The following GALNTL6 variants were observed in gnomAD, a reference collection of about 807,000 sequenced individuals.
GALNTL6 encodes polypeptide N-acetylgalactosaminyltransferase like 6.
A neutral mutation model predicts 73.7 loss-of-function variants in GALNTL6; 46 were observed. The ratio of observed to expected loss-of-function variants is 0.62; its 90% CI spans 0.49 to 0.80. GALNTL6 has a LOEUF of 0.80. Among genes scored for constraint, GALNTL6 ranks in the 30% least tolerant of loss-of-function variants. The pLI is 0.00. For missense variants in GALNTL6, 604 were observed against 755.0 expected (o/e 0.80, Z 2.34); for synonymous variants, 259 against 263.7 (o/e 0.98, Z 0.17).
chr4:171,919,888 C>T (rs144829814), intron 2 of GALNTL6, among the ~76,000 whole-genome samples: 383 of 152,092 alleles, frequency 2.5e-3, no homozygotes, highest in Admixed American at 4.9e-3. Flanking sequence ...ACCATTTGAC[C>T]CAGCAATCCC....
intron 5 of GALNTL6, among the ~76,000 whole-genome samples, chr4:172,608,405 G>A (rs772453764): frequency 1.3e-5 from 2 of 151,792 alleles, no homozygotes; most frequent in Non-Finnish European, 2.9e-5. Context: ...CCCATTGATT[G>A]TTTTTGTCAA....
intron 2 of GALNTL6, among the ~76,000 whole-genome samples, chr4:171,894,699 A>G (rs1246094703): frequency 1.3e-5 from 2 of 152,202 alleles, no homozygotes; most frequent in African/African-American, 4.8e-5. Flanking sequence ...TCAAAGTTAA[A>G]TGATTCAAGT....
At chr4:172,929,188 C>T (rs1219314641) in intron 8 of GALNTL6, among the ~76,000 whole-genome samples, 1 of 152,192 alleles carries the variant, frequency 6.6e-6, no homozygotes, top group African/African-American at 2.4e-5. Flanking sequence ...GAAATTAATA[C>T]TATGAGTAAT....
intron 2 of GALNTL6, among the ~76,000 whole-genome samples, chr4:171,967,496 T>G (rs1227242271): frequency 2.1e-5 from 3 of 145,194 alleles, no homozygotes; most frequent in Admixed American, 1.4e-4. Flanking sequence ...AATGTTATTC[T>G]CAGAGAAAAT....
chr4:172,124,013 C>A (rs1026562951), intron 2 of GALNTL6, among the ~76,000 whole-genome samples: 1 of 152,042 alleles, frequency 6.6e-6, no homozygotes, highest in African/African-American at 2.4e-5. Flanking sequence ...GAAGGAAGTG[C>A]TTTTAGAGAA....
At chr4:172,164,616 A>AT (rs987197112) in intron 2 of GALNTL6, among the ~76,000 whole-genome samples, 4 of 151,954 alleles carry the variant, frequency 2.6e-5, no homozygotes, top group Admixed American at 6.6e-5. Flanking sequence ...CTAATAATAG[A>AT]TTTTTTCTCG....
chr4:172,898,423 A>T (rs557084613), intron 8 of GALNTL6, among the ~76,000 whole-genome samples: 3 of 151,614 alleles, frequency 2.0e-5, no homozygotes, highest in African/African-American at 7.2e-5. Flanking sequence ...GCAAAAGGTT[A>T]TACTCCAAAC....
intron 5 of GALNTL6, among the ~76,000 whole-genome samples, chr4:172,365,859 T>C (rs1357563835): frequency 6.6e-6 from 1 of 152,142 alleles, no homozygotes; most frequent in Non-Finnish European, 1.5e-5. Flanking sequence ...GACCCACCTT[T>C]AGACATCCGG....
At chr4:171,995,023 C>T (rs899206422) in intron 2 of GALNTL6, among the ~76,000 whole-genome samples, 1 of 151,410 alleles carries the variant, frequency 6.6e-6, no homozygotes, top group Non-Finnish European at 1.5e-5. Flanking sequence ...GAAATATATA[C>T]AAAAAATGGA....
intron 8 of GALNTL6, among the ~76,000 whole-genome samples, chr4:172,922,461 C>CT (rs1337549793): frequency 6.6e-6 from 1 of 152,148 alleles, no homozygotes; most frequent in African/African-American, 2.4e-5. Context: ...TCCATCTACT[C>CT]TATCAGAATG....
chr4:172,155,125 G>A (rs1171678122), intron 2 of GALNTL6, among the ~76,000 whole-genome samples: 4 of 152,010 alleles, frequency 2.6e-5, no homozygotes, highest in Non-Finnish European at 4.4e-5. Flanking sequence ...AGGCTCCTGA[G>A]TAGTTGGGAT....
chr4:172,074,904 T>C (rs1209934229), intron 2 of GALNTL6, among the ~76,000 whole-genome samples: 1 of 152,184 alleles, frequency 6.6e-6, no homozygotes, highest in African/African-American at 2.4e-5. Context: ...TGCTAAAGAT[T>C]CTAACTTTTA....
chr4:172,308,003 C>CTTTTTTTTTTTTTTTTTTTTT (rs70941399), intron 3 of GALNTL6, among the ~76,000 whole-genome samples: 2 of 34,586 alleles, frequency 5.8e-5, no homozygotes, highest in African/African-American at 1.0e-4. Context: ...TGTGTTTTAA[C>CTTTTTTTTTTTTTTTTTTTTT]TTTTTTTTTT....
chr4:171,853,644 T>C (rs931142598), intron 2 of GALNTL6, among the ~76,000 whole-genome samples: 3 of 129,222 alleles, frequency 2.3e-5, no homozygotes, highest in African/African-American at 8.4e-5. Context: ...AGAGTCTTGC[T>C]CTGTCGCCCA....
At chr4:172,733,163 C>T (rs1165779688) in intron 5 of GALNTL6, among the ~76,000 whole-genome samples, 1 of 152,146 alleles carries the variant, frequency 6.6e-6, no homozygotes. Context: ...AAAGACTTTT[C>T]TCTATCCTCA....
At chr4:172,768,466 G>T (rs1738569746) in intron 5 of GALNTL6, among the ~76,000 whole-genome samples, 1 of 152,204 alleles carries the variant, frequency 6.6e-6, no homozygotes, top group Non-Finnish European at 1.5e-5. Context: ...AGAAAAGAGT[G>T]AAAGTATAGA....
chr4:171,982,827 A>T (rs1383951175), intron 2 of GALNTL6, among the ~76,000 whole-genome samples: 1 of 152,214 alleles, frequency 6.6e-6, no homozygotes, highest in Non-Finnish European at 1.5e-5. Flanking sequence ...CTAAAGGGAA[A>T]GTTAAGCTTG....
At chr4:172,723,785 T>TC (rs11450207) in intron 5 of GALNTL6, among the ~76,000 whole-genome samples, 116,335 of 151,728 alleles carry the variant, frequency 0.77, 45,729 homozygotes, top group Middle Eastern at 0.89. Context: ...ATCCATTCAC[T>TC]TTAGGTATCA....
In GALNTL6 at chr4:172,504,175, A is replaced by AAAAAAAAAAAAAAAAAAC. The variant is rs1363544210; in HGVS notation, c.553+155490_553+155491insAAAAAAAAAAAAACAAAA. On this transcript the variant is annotated intron_variant, in intron 5 of 12. Transcript: ENST00000506823. Reference sequence around the variant, plus strand: ...ACTCTGTCTCAAAAAAAAAAAAAAAAAAAACTCACACCTTGTTGATATTGG... The same window carrying AAAAAAAAAAAAAAAAAAC: ...ACTCTGTCTCAAAAAAAAAAAAAAAAAAAAAAAAAAAAAAAAACAAAACTCACACCTTGTTGATATTGG... 5.9e-4 allele frequency among the ~76,000 whole-genome samples: 23 copies of AAAAAAAAAAAAAAAAAAC among 39,294 alleles called. 1 individual carries two copies. The highest frequency in any genetic ancestry group is 1.3e-3 in the African/African-American group (17 of 13,002). 25.8% of individuals were successfully genotyped at this position (39,294 alleles called of 152,430 possible).
Sources: gnomAD v4.1 joint callset for allele counts (sites outside exome capture counted in the v4.1 genomes callset) on GRCh38, gnomAD v4.1.1 for gene constraint, MANE v1.5 for transcripts, NCBI Gene and HGNC (gene_info 2026-07-23, HGNC 2026-07-21) for gene names.